Variants in RBM33 observed in about 807,000 individuals in gnomAD.
RBM33 encodes the protein RNA-binding protein 33.
RBM33 carries 28 observed loss-of-function variants against 132.6 expected under a neutral mutation model. The observed-to-expected ratio is 0.21, with a 90% confidence interval of 0.16 to 0.29. RBM33 has a LOEUF of 0.29. RBM33 is among the 10% of genes least tolerant of loss of function. The pLI is 1.00. For missense variants in RBM33, 1,291 were observed against 1,518.5 expected (o/e 0.85, Z 2.49); for synonymous variants, 634 against 593.0 (o/e 1.07, Z -1.01).
chr7:155,711,520 A>G, intron 8 of RBM33, 65 bp downstream of exon 8: 2 of 1,103,810 alleles, frequency 1.8e-6, no homozygotes, highest in Non-Finnish European at 2.4e-6. Flanking sequence ...TTGACTTAGG[A>G]TTTTTCCACT....
chr7:155,711,972 C>G (rs929401167), intron 8 of RBM33, among the ~76,000 whole-genome samples: 2 of 152,170 alleles, frequency 1.3e-5, no homozygotes, highest in Non-Finnish European at 2.9e-5. Flanking sequence ...TGGCTCTTCC[C>G]CATTCATTTA....
chr7:155,706,601 A>T (rs1417994900), intron 6 of RBM33, among the ~76,000 whole-genome samples: 1 of 152,156 alleles, frequency 6.6e-6, no homozygotes, highest in African/African-American at 2.4e-5. Context: ...GTGGTCTCCG[A>T]TGAAAATAAT....
chr7:155,662,795 C>T (rs1009283826), intron 1 of RBM33, among the ~76,000 whole-genome samples: 1 of 151,642 alleles, frequency 6.6e-6, no homozygotes, highest in Non-Finnish European at 1.5e-5. Flanking sequence ...AATTCAGCCT[C>T]AACAATGGGT....
rs1799440591 is a variant in RBM33 at position 155,685,144 on chromosome 7, A to G, written c.567+4236A>G. ...ATCTTTTTAGCATTAGCGAAAGTCG[A>G]TACGTATCTTTGAACTGTGAGTGTA... On this transcript the variant is annotated intron_variant, in intron 5 of 17. Coordinates refer to ENST00000401878, the MANE Select transcript of RBM33 (RefSeq NM_053043.3). 8 of 1,313,018 alleles carry G rather than the reference A, an allele frequency of 6.1e-6. No homozygotes were observed. The South Asian group carries it at 9.9e-5, about 16-fold the overall frequency. The allele number at this position is 1,313,018 out of a possible 1,614,324, so 81.3% of individuals were successfully genotyped here. A position where few individuals can be genotyped will look rare whatever the true frequency, so the allele number is the denominator to read the frequency against.
chr7:155,673,819 G>A (rs1371048913), intron 3 of RBM33, among the ~76,000 whole-genome samples: 1 of 140,766 alleles, frequency 7.1e-6, no homozygotes, highest in East Asian at 2.2e-4. Context: ...AGTATATTTC[G>A]GACATTATAA....
chr7:155,646,216 A>G (rs1413185815), intron 1 of RBM33, among the ~76,000 whole-genome samples: 1 of 148,688 alleles, frequency 6.7e-6, no homozygotes, highest in Non-Finnish European at 1.5e-5. Flanking sequence ...GCTGAATAAC[A>G]TGTGAAGACG....
At chr7:155,672,445 T>G (rs1340167040) in intron 2 of RBM33, among the ~76,000 whole-genome samples, 1 of 152,142 alleles carries the variant, frequency 6.6e-6, no homozygotes. Flanking sequence ...GAGGAAAGCA[T>G]AGCAAACTTA....
chr7:155,735,713 CT>C (rs745319192), intron 9 of RBM33, among the ~76,000 whole-genome samples: 14,891 of 137,932 alleles, frequency 0.11, 909 homozygotes, highest in East Asian at 0.28. Context: ...CTCTCTCTCT[CT>C]CTCTGTCTCT....
At chr7:155,696,681 A>C (rs1799802904) in intron 5 of RBM33, among the ~76,000 whole-genome samples, 1 of 151,962 alleles carries the variant, frequency 6.6e-6, no homozygotes, top group Admixed American at 6.6e-5. Flanking sequence ...CCTTATTGTG[A>C]ATTAAATTAA....
chr7:155,689,264 G>A (rs1563145097), intron 5 of RBM33, among the ~76,000 whole-genome samples: 1 of 152,200 alleles, frequency 6.6e-6, no homozygotes, highest in Non-Finnish European at 1.5e-5. Flanking sequence ...TTGCGTAGAG[G>A]TGTTTATAGT....
In RBM33 at chr7:155,775,212, A is replaced by C; in HGVS notation, c.*171A>C. 1.4e-6 allele frequency: 1 copy of C among 713,550 alleles called. No homozygotes were observed. Among genetic ancestry groups the C allele is most frequent in the Admixed American group, 2.0e-5 (1 of 49,982 alleles). The allele number at this position is 713,550 out of a possible 1,614,324, so 44.2% of individuals were successfully genotyped here. A position where few individuals can be genotyped will look rare whatever the true frequency, so the allele number is the denominator to read the frequency against. ...ACGGGCCTGATTCCAGAGGAGCCGA[A>C]CTGACAGGACACAGCAGGCTGGAGT... is the stretch of plus-strand genomic sequence containing the variant. On this transcript the variant is annotated 3_prime_UTR_variant, in exon 18 of 18. Transcript: ENST00000401878.
At position 155,744,842 on chromosome 7, in the gene RBM33, A is replaced by G. The variant is rs537702225; in HGVS notation, c.2338-119A>G. ...AAAGTCTTCAAACAGATTTTGAGTG[A>G]CTTCTTTCAGATACTGAATTAAAGG... On this transcript the variant is annotated intron_variant, in intron 13 of 17. Coordinates refer to ENST00000401878, the MANE Select transcript of RBM33 (RefSeq NM_053043.3). 215 of 1,024,432 alleles carry G rather than the reference A, an allele frequency of 2.1e-4. No individual in the cohort carries two copies. The East Asian group carries it at 5.7e-3, about 27-fold the overall frequency. The allele number at this position is 1,024,432 out of a possible 1,614,324, so 63.5% of individuals were successfully genotyped here.
chr7:155,685,249 T>G (rs941901355), intron 5 of RBM33, among the ~76,000 whole-genome samples: 5 of 152,208 alleles, frequency 3.3e-5, no homozygotes, highest in African/African-American at 1.2e-4. Context: ...GTGTGCCGTT[T>G]AAGTGTTAGA....
At chr7:155,742,734 T>C (rs572848872) in intron 13 of RBM33, among the ~76,000 whole-genome samples, 13 of 152,342 alleles carry the variant, frequency 8.5e-5, no homozygotes, top group African/African-American at 2.9e-4. Context: ...AATTTTTCAG[T>C]AGGCACAGAA....
intron 16 of RBM33, 91 bp downstream of exon 16, chr7:155,766,746 G>A: frequency 8.3e-7 from 1 of 1,209,526 alleles, no homozygotes. Flanking sequence ...CCTTTGTGTT[G>A]GCTACTTCAT....
chr7:155,654,837 T>C (rs1798449111), intron 1 of RBM33, among the ~76,000 whole-genome samples: 1 of 152,260 alleles, frequency 6.6e-6, no homozygotes, highest in African/African-American at 2.4e-5. Flanking sequence ...TATTGTCCTC[T>C]TTTAATAATT....
chr7:155,734,983 A>G (rs1168420296), intron 9 of RBM33, among the ~76,000 whole-genome samples: 1 of 152,190 alleles, frequency 6.6e-6, no homozygotes, highest in African/African-American at 2.4e-5. Flanking sequence ...ACGTTTTGAA[A>G]TGCTTGCACA....
intron 7 of RBM33, among the ~76,000 whole-genome samples, chr7:155,708,773 A>G (rs970691966): frequency 5.9e-5 from 9 of 152,200 alleles, no homozygotes; most frequent in African/African-American, 2.2e-4. Flanking sequence ...GGACTGTGGT[A>G]TCCTCCGCTC....
At chr7:155,763,078 G>A (rs114006527) in intron 14 of RBM33, among the ~76,000 whole-genome samples, 223 of 152,290 alleles carry the variant, frequency 1.5e-3, no homozygotes, top group African/African-American at 5.1e-3. Context: ...CCTCCTGATC[G>A]ATGAACAGAC....
Sources: allele counts gnomAD v4.1 joint callset (sites outside exome capture counted in the v4.1 genomes callset), GRCh38; gene constraint gnomAD v4.1.1; transcripts MANE v1.5; gene names NCBI Gene and HGNC (gene_info 2026-07-23, HGNC 2026-07-21).